NBEA: variants seen among roughly 807,000 people sequenced by gnomAD.
NBEA encodes the protein lysosomal-trafficking regulator 2.
Under a neutral mutation model 343.4 loss-of-function variants are expected in NBEA, and 44 were observed. The observed-to-expected ratio is 0.13, with a 90% CI of 0.10 to 0.16. The LOEUF (loss-of-function observed/expected upper bound fraction) is 0.16, where lower values mean the gene tolerates loss of function less well. NBEA is among the 10% of genes least tolerant of loss of function. The probability of loss-of-function intolerance (pLI) is 1.00; values close to 1 mark genes in which losing one functional copy is unlikely to be tolerated. For missense variants in NBEA, 2,555 were observed against 3,631.3 expected, an observed-to-expected ratio of 0.70 and a Z score of 7.62; for synonymous variants, 1,175 against 1,238.7, an observed-to-expected ratio of 0.95 and a Z score of 1.08.
At chr13:35,544,397 G>C (rs368816782) in intron 41 of NBEA, among the ~76,000 whole-genome samples, 5 of 152,028 alleles carry the variant, frequency 3.3e-5, no homozygotes, top group South Asian at 2.1e-4. Flanking sequence ...ACAATATTTA[G>C]CTTCCTTAAA....
intron 49 of NBEA, among the ~76,000 whole-genome samples, chr13:35,639,013 C>A (rs1231796027): frequency 6.6e-6 from 1 of 152,146 alleles, no homozygotes; most frequent in East Asian, 1.9e-4. Flanking sequence ...CTGGACAAAT[C>A]AGAATCTCTC....
chr13:34,978,145 G>A (rs1164583616), intron 1 of NBEA, among the ~76,000 whole-genome samples: 1 of 152,040 alleles, frequency 6.6e-6, no homozygotes, highest in Non-Finnish European at 1.5e-5. Context: ...CCTTGGGATG[G>A]GCATATTCTA....
intron 17 of NBEA, among the ~76,000 whole-genome samples, chr13:35,135,461 A>G (rs941845242): frequency 1.4e-4 from 22 of 152,088 alleles, no homozygotes; most frequent in Admixed American, 7.2e-4. Context: ...TTAAAAATTA[A>G]AAATACAGTA....
intron 17 of NBEA, among the ~76,000 whole-genome samples, chr13:35,139,057 CT>C (rs36053692): frequency 1.4e-3 from 136 of 97,878 alleles, no homozygotes; most frequent in Middle Eastern, 0.013. Context: ...CAAGAAATAT[CT>C]TTTTTTTTTT....
chr13:35,326,912 A>G (rs940194913), intron 36 of NBEA, among the ~76,000 whole-genome samples: 4 of 152,146 alleles, frequency 2.6e-5, no homozygotes, highest in Admixed American at 6.6e-5. Flanking sequence ...TCCGGAATCT[A>G]TAAAGAACTT....
intron 49 of NBEA, among the ~76,000 whole-genome samples, chr13:35,638,299 TGAA>T (rs1429981464): frequency 6.6e-6 from 1 of 152,114 alleles, no homozygotes; most frequent in East Asian, 1.9e-4. Flanking sequence ...TAAAGGATAA[TGAA>T]GAGAGTTTAA....
intron 31 of NBEA, among the ~76,000 whole-genome samples, chr13:35,200,117 A>G (rs1249005370): frequency 6.6e-6 from 1 of 152,060 alleles, no homozygotes; most frequent in Non-Finnish European, 1.5e-5. Flanking sequence ...TTTATTTTTA[A>G]CAGAAAAGCT....
At chr13:35,334,916 A>G (rs9600527) in intron 36 of NBEA, among the ~76,000 whole-genome samples, 8,846 of 152,248 alleles carry the variant, frequency 0.058, 312 homozygotes, top group African/African-American at 0.09. Context: ...GTAGTGCTCA[A>G]GAAATCATTG....
chr13:35,446,341 A>G (rs186631402), intron 39 of NBEA, among the ~76,000 whole-genome samples: 3,676 of 152,234 alleles, frequency 0.024, 165 homozygotes, highest in African/African-American at 0.085. Flanking sequence ...CAGTAATGGG[A>G]TGGCTGGGTC....
intron 38 of NBEA, among the ~76,000 whole-genome samples, chr13:35,381,583 G>A (rs1310985352): frequency 6.6e-6 from 1 of 152,034 alleles, no homozygotes; most frequent in Admixed American, 6.6e-5. Context: ...AATAAAGTAT[G>A]AGAGCAATAG....
intron 7 of NBEA, among the ~76,000 whole-genome samples, chr13:35,057,076 C>T (rs760340931): frequency 6.6e-6 from 1 of 152,072 alleles, no homozygotes; most frequent in Non-Finnish European, 1.5e-5. Context: ...TTTCCATTGT[C>T]TACATTCCGG....
chr13:34,966,799 A>G (rs1403638598), intron 1 of NBEA, among the ~76,000 whole-genome samples: 2 of 151,916 alleles, frequency 1.3e-5, no homozygotes, highest in Non-Finnish European at 2.9e-5. Context: ...TTCTGCTACT[A>G]TACTGCATGT....
At chr13:35,110,763 G>C (rs1487437922) in intron 12 of NBEA, 47 bp from the exon 13 acceptor site, 1 of 1,493,628 alleles carries the variant, frequency 6.7e-7, no homozygotes, top group African/African-American at 1.4e-5. Context: ...ATGAGCACTT[G>C]AGGCATTTTA....
rs544068322 is a variant in NBEA, at chr13:35,622,163, G to T, written c.7450-5918G>T. On this transcript the variant is annotated intron_variant, in intron 48 of 58. Coordinates refer to ENST00000379939, the MANE Select transcript of NBEA (RefSeq NM_001385012.1). ...GCAGGAAGACAATGCTTTCAAGCTA[G>T]AGAGAAAGAAAGCAAAAGCTCTGAG... Among the ~76,000 whole-genome samples the T allele has an allele frequency of 1.7e-4, 26 of 152,320 alleles. 2 individuals carry two copies. The South Asian group carries it at 5.4e-3, about 32-fold the overall frequency.
intron 8 of NBEA, among the ~76,000 whole-genome samples, chr13:35,064,005 A>G (rs1203385372): frequency 6.6e-6 from 1 of 151,972 alleles, no homozygotes; most frequent in Non-Finnish European, 1.5e-5. Flanking sequence ...TAAAGAAATA[A>G]GTTTTGGCAG....
At chr13:35,164,207 A>T (rs1026077362) in intron 23 of NBEA, 149 bp from the exon 24 acceptor site, 1 of 653,034 alleles carries the variant, frequency 1.5e-6, no homozygotes, top group South Asian at 2.6e-5. Flanking sequence ...GTAATATGAT[A>T]TCTCAATTAT....
At chr13:35,561,577 C>A (rs1220787881) in intron 44 of NBEA, among the ~76,000 whole-genome samples, 1 of 152,032 alleles carries the variant, frequency 6.6e-6, no homozygotes, top group Non-Finnish European at 1.5e-5. Context: ...GTATGAAATG[C>A]AAAGTACATT....
chr13:35,188,582 G>A (rs1457991803), intron 30 of NBEA, among the ~76,000 whole-genome samples: 2 of 151,894 alleles, frequency 1.3e-5, no homozygotes, highest in East Asian at 3.9e-4. Flanking sequence ...TTTTTTATGG[G>A]TGAATAGTGT....
Position 35,628,072 on chromosome 13 carries a change from TC to T in NBEA, c.7450-8del. ...GATGGTCTCTCATTTCTTTCTTGAC[TC>T]ATTTCAGGCCCTAGAAAGTGAATTT... On this transcript the variant is annotated splice_polypyrimidine_tract_variant and splice_region_variant and intron_variant, in intron 48 of 58. Transcript: ENST00000379939. 1 of 1,604,462 alleles carries T rather than the reference TC, an allele frequency of 6.2e-7. No homozygotes were observed. Among genetic ancestry groups the T allele is most frequent in the Non-Finnish European group, 8.5e-7 (1 of 1,175,332 alleles).
Sources: allele counts gnomAD v4.1 joint callset (sites outside exome capture counted in the v4.1 genomes callset), GRCh38; gene constraint gnomAD v4.1.1; transcripts MANE v1.5; gene names NCBI Gene and HGNC (gene_info 2026-07-23, HGNC 2026-07-21).